The following GAB4 variants were observed in gnomAD, a reference collection of about 807,000 sequenced individuals.
GAB4 encodes the protein GRB2-associated-binding protein 4.
In GAB4, 26 loss-of-function variants were observed where a neutral mutation model predicts 51.3. The ratio of observed to expected loss-of-function variants is 0.51; its 90% CI spans 0.37 to 0.70. GAB4 has a LOEUF of 0.70. Among genes scored for constraint, GAB4 ranks in the 30% least tolerant of loss-of-function variants. GAB4 has a pLI of 0.00. For synonymous variants in GAB4, 329 were observed against 291.2 expected (o/e 1.13, Z -1.32); for missense variants, 759 against 734.6 (o/e 1.03, Z -0.38).
chr22:16,973,272 T>C (rs1472734287), intron 3 of GAB4, among the ~76,000 whole-genome samples: 6 of 152,216 alleles, frequency 3.9e-5, no homozygotes, highest in Admixed American at 3.3e-4. Context: ...GTCTTATTCA[T>C]CTTTCTTTCC....
chr22:16,962,907 C>T (rs749690543), intron 9 of GAB4, 31 bp from the exon 10 acceptor site: 1 of 1,597,106 alleles, frequency 6.3e-7, no homozygotes, highest in Admixed American at 1.7e-5. Context: ...GTGGGAGTGG[C>T]AGTGTCTGTG....
At position 16,963,748 on chromosome 22, in the gene GAB4, C is replaced by T. The variant is rs1391188922; in HGVS notation, c.1558G>A (p.Ala520Thr). ...ACCTTGCTCGGCTGGAAGTCCAGGG[C>T]CGCGTAGTGGATGTTACCAGTGCTC... ...PRSTGNIHYA[A>T]LDFQPSKPSI... Residue 520 changes from alanine to threonine, a missense_variant, in exon 9 of 10, where the codon GCC becomes ACC. Ala to Thr is a moderately conservative substitution (Grantham distance 58). Around this residue, in one of 3 missense-constraint regions of GAB4, gnomAD observed 588 missense variants for 510.2 expected, o/e 1.15. Coordinates refer to ENST00000400588, the MANE Select transcript of GAB4 (RefSeq NM_001037814.1). 1.2e-6 allele frequency: 2 copies of T among 1,613,644 alleles called. No homozygotes were observed. The highest frequency in any genetic ancestry group is 1.7e-6 in the Non-Finnish European group (2 of 1,179,942).
In GAB4 at chr22:16,962,671, A is replaced by C; in HGVS notation, c.*62T>G. 1 of 1,482,940 alleles carries C rather than the reference A, an allele frequency of 6.7e-7. No individual in the cohort carries two copies. Among genetic ancestry groups the C allele is most frequent in the Non-Finnish European group, 9.2e-7 (1 of 1,087,930 alleles). The allele number at this position is 1,482,940 out of a possible 1,614,324, so 91.9% of individuals were successfully genotyped here. Reference sequence around the variant, plus strand: ...GCGGTCCCTGATATTACAGAGCTTTAGAGTGTGGCGGAGCAGCTCTGAGGC... The same window carrying C: ...GCGGTCCCTGATATTACAGAGCTTTCGAGTGTGGCGGAGCAGCTCTGAGGC... On this transcript the variant is annotated 3_prime_UTR_variant, in exon 10 of 10. Transcript: ENST00000400588.
chr22:16,972,940 C>T (rs61123944), intron 3 of GAB4, among the ~76,000 whole-genome samples: 3,721 of 152,174 alleles, frequency 0.024, 152 homozygotes, highest in African/African-American at 0.085. Context: ...TCCTAGTTAC[C>T]CTTCCCACCT....
chr22:16,986,118 T>A (rs887037734), intron 3 of GAB4, among the ~76,000 whole-genome samples: 1 of 152,230 alleles, frequency 6.6e-6, no homozygotes, highest in African/African-American at 2.4e-5. Flanking sequence ...TGTCTCCTTT[T>A]GCTTCAGCTG....
At chr22:16,963,276 C>T (rs182407045) in intron 9 of GAB4, among the ~76,000 whole-genome samples, 137 of 152,264 alleles carry the variant, frequency 9.0e-4, no homozygotes, top group South Asian at 1.7e-3. Context: ...ATGGAGCTCT[C>T]CACCCTGCTG....
chr22:16,998,760 C>A (rs1378134235), intron 1 of GAB4, among the ~76,000 whole-genome samples: 2 of 152,158 alleles, frequency 1.3e-5, no homozygotes, highest in Non-Finnish European at 2.9e-5. Context: ...TTTGCCCATT[C>A]AGTATGATAT....
At chr22:16,993,253 T>C (rs1277196747) in intron 1 of GAB4, among the ~76,000 whole-genome samples, 1 of 152,190 alleles carries the variant, frequency 6.6e-6, no homozygotes, top group Non-Finnish European at 1.5e-5. Context: ...CAGGTGTGAC[T>C]TTCCAGTAAG....
chr22:17,008,143 G>A lies in GAB4; in HGVS notation c.-29C>T. On this transcript the variant is annotated 5_prime_UTR_variant, in exon 1 of 10. Coordinates refer to ENST00000400588, the MANE Select transcript of GAB4 (RefSeq NM_001037814.1). Reference sequence around the variant, plus strand: ...GGCTGCAGCTCACAGTGAAGGTGGGGGAGACAGGGCGAGAGGGCGTTGCTG... The same window carrying A: ...GGCTGCAGCTCACAGTGAAGGTGGGAGAGACAGGGCGAGAGGGCGTTGCTG... 1.3e-6 allele frequency: 2 copies of A among 1,543,334 alleles called. No homozygotes were observed. Among genetic ancestry groups the A allele is most frequent in the Non-Finnish European group, 1.8e-6 (2 of 1,126,914 alleles).
chr22:16,970,895 T>C (rs2060725200), intron 3 of GAB4, among the ~76,000 whole-genome samples: 1 of 152,182 alleles, frequency 6.6e-6, no homozygotes, highest in Non-Finnish European at 1.5e-5. Context: ...CAACTCTATT[T>C]GGATAGAAAA....
chr22:16,989,888 AC>A (rs1235509935), intron 2 of GAB4, among the ~76,000 whole-genome samples: 1 of 152,182 alleles, frequency 6.6e-6, no homozygotes, highest in Non-Finnish European at 1.5e-5. Context: ...CCCCAGGACC[AC>A]CTAAGTGATG....
chr22:17,005,796 G>A (rs1457929831), intron 1 of GAB4, among the ~76,000 whole-genome samples: 4 of 152,142 alleles, frequency 2.6e-5, no homozygotes, highest in African/African-American at 4.8e-5. Flanking sequence ...GGCTAGCCAT[G>A]GGCAGAAAAC....
At position 17,004,638 on chromosome 22, in the gene GAB4, TA is replaced by T. The variant is rs577640737; in HGVS notation, c.174+3302del. 4.7e-5 allele frequency among the ~76,000 whole-genome samples: 7 copies of T among 149,968 alleles called. No homozygotes were observed. The East Asian group carries it at 1.4e-3, about 29-fold the overall frequency. ...ATAAAATTCAACACCCCGTTCGTGC[TA>T]AAAACTCTCAATAAACTAAGTATTG... On this transcript the variant is annotated intron_variant, in intron 1 of 9. Coordinates refer to ENST00000400588, the MANE Select transcript of GAB4 (RefSeq NM_001037814.1).
At chr22:16,990,193 CTCTT>C (rs1288079660) in intron 2 of GAB4, among the ~76,000 whole-genome samples, 2 of 152,236 alleles carry the variant, frequency 1.3e-5, no homozygotes, top group Admixed American at 6.5e-5. Context: ...AGCACTCTCT[CTCTT>C]TCTAAAACCA....
intron 2 of GAB4, among the ~76,000 whole-genome samples, chr22:16,989,622 T>C (rs1167808547): frequency 1.3e-5 from 2 of 152,186 alleles, no homozygotes; most frequent in African/African-American, 4.8e-5. Flanking sequence ...CCAAAAGACC[T>C]GCAAGATGAA....
At position 17,008,057 on chromosome 22, in the gene GAB4, C is replaced by A; in HGVS notation, c.58G>T (p.Ala20Ser). 6.2e-7 allele frequency: 1 copy of A among 1,608,470 alleles called. No homozygotes were observed. The highest frequency in any genetic ancestry group is 1.1e-5 in the South Asian group (1 of 89,840). ...RELCPPDPAF[A>S]PLSSWPGSGP... ...CTTCCGGGCCACGAAGACAAAGGCGCAAATGCCGGGTCAGGTGGGCACAGC... is the reference window on the plus strand; with the variant it reads ...CTTCCGGGCCACGAAGACAAAGGCGAAAATGCCGGGTCAGGTGGGCACAGC... Residue 20 changes from alanine (A) to serine (S), a missense_variant, in exon 1 of 10, where the codon GCG (alanine) becomes TCG (serine). By Grantham distance (99) the Ala-to-Ser change is moderately conservative (BLOSUM62 1). This residue lies in a region of GAB4 where 83 missense variants were observed against 73.1 expected (regional missense o/e 1.14). Transcript: ENST00000400588.
chr22:16,967,647 C>T (rs946609009), intron 5 of GAB4, among the ~76,000 whole-genome samples: 6 of 152,348 alleles, frequency 3.9e-5, no homozygotes, highest in East Asian at 1.9e-4. Flanking sequence ...CACAGAGTTG[C>T]GCAATGCAGC....
rs558247977 is a variant in GAB4, at chr22:17,007,926, C to G, written c.174+15G>C. The G allele has an allele frequency of 1.1e-4, 163 of 1,467,892 alleles. 1 individual carries two copies. The South Asian group carries it at 1.3e-3, about 11-fold the overall frequency. The allele number at this position is 1,467,892 out of a possible 1,614,324, so 90.9% of individuals were successfully genotyped here. A position where few individuals can be genotyped will look rare whatever the true frequency, so the allele number is the denominator to read the frequency against. On this transcript the variant is annotated intron_variant, in intron 1 of 9. Coordinates refer to ENST00000400588, the MANE Select transcript of GAB4 (RefSeq NM_001037814.1). Reference sequence around the variant, plus strand: ...TCCGTGGCGCTCCTGGTACCGCCCCCACTGCCCCACTCACAAAGAGCCTCA... The same window carrying G: ...TCCGTGGCGCTCCTGGTACCGCCCCGACTGCCCCACTCACAAAGAGCCTCA...
In GAB4 at chr22:16,966,127, T is replaced by C; in HGVS notation, c.1261A>G (p.Asn421Asp). ...TTCTGGTTAGGCTTGAGGCTGCGGT[T>C]GACAGGGGGCAGCTGGACCTCATGT... ...QGHEVQLPPV[N>D]RSLKPNQKAN... The change falls in exon 6 of 10, where the codon AAC becomes GAC. Residue 421 changes from asparagine (N) to aspartate (D), a missense_variant. This residue lies in a region of GAB4 where 588 missense variants were observed against 510.2 expected (regional missense o/e 1.15). Coordinates refer to ENST00000400588, the MANE Select transcript of GAB4 (RefSeq NM_001037814.1). 2 of 1,614,042 alleles carry C rather than the reference T, an allele frequency of 1.2e-6. No homozygotes were observed. Among genetic ancestry groups the C allele is most frequent in the Non-Finnish European group, 1.7e-6 (2 of 1,180,018 alleles).
Sources: allele counts gnomAD v4.1 joint callset (sites outside exome capture counted in the v4.1 genomes callset), GRCh38; gene constraint gnomAD v4.1.1; regional missense constraint gnomAD v4.1.1; transcripts MANE v1.5; gene names NCBI Gene and HGNC (gene_info 2026-07-23, HGNC 2026-07-21).